SLC14A2: variants seen among roughly 807,000 people sequenced by gnomAD.
The protein encoded by SLC14A2 is urea transporter 2.
A neutral mutation model predicts 104.6 loss-of-function variants in SLC14A2; 91 were observed. That is an observed-to-expected ratio of 0.87 (90% CI 0.73 to 1.04). SLC14A2 has a LOEUF of 1.04. Ranked by LOEUF, SLC14A2 falls within the 50% of genes least tolerant of loss-of-function variation. The pLI is 0.00. For synonymous variants in SLC14A2, 476 were observed against 466.4 expected (o/e 1.02, Z -0.27); for missense variants, 1,189 against 1,156.0 (o/e 1.03, Z -0.41).
intron 1 of SLC14A2, among the ~76,000 whole-genome samples, chr18:45,413,951 G>GT (rs1446716346): frequency 6.6e-6 from 1 of 151,072 alleles, no homozygotes; most frequent in Non-Finnish European, 1.5e-5. Context: ...CTAATAGAGC[G>GT]TAAAAAAAAA....
intron 2 of SLC14A2, among the ~76,000 whole-genome samples, chr18:45,554,963 C>A (rs1047595270): frequency 2.0e-5 from 3 of 152,196 alleles, no homozygotes; most frequent in Non-Finnish European, 4.4e-5. Context: ...ACCACTCAGT[C>A]CTTTAGTCAG....
chr18:45,340,958 A>C (rs541804726), intron 1 of SLC14A2, among the ~76,000 whole-genome samples: 1 of 152,322 alleles, frequency 6.6e-6, no homozygotes, highest in African/African-American at 2.4e-5. Flanking sequence ...CCAGTCCCTT[A>C]ACAATAGAGT....
intron 1 of SLC14A2, among the ~76,000 whole-genome samples, chr18:45,275,635 T>C (rs62093664): frequency 0.076 from 11,529 of 152,310 alleles, 599 homozygotes; most frequent in Middle Eastern, 0.17. Flanking sequence ...CTTAAAATTG[T>C]GCATGCTTAT....
At chr18:45,399,161 G>A (rs908731621) in intron 1 of SLC14A2, among the ~76,000 whole-genome samples, 3 of 152,312 alleles carry the variant, frequency 2.0e-5, no homozygotes, top group Middle Eastern at 6.8e-3. Context: ...ACTAACGCAT[G>A]TTCACACAGA....
At chr18:45,178,054 G>A in the SLC14A2 span, among the ~76,000 whole-genome samples, 1 of 152,146 alleles carries the variant, frequency 6.6e-6, no homozygotes, top group East Asian at 1.9e-4. Context: ...ACCCAGGAAG[G>A]TAGAGAGAAG....
intron 1 of SLC14A2, among the ~76,000 whole-genome samples, chr18:45,425,673 T>C (rs999765848): frequency 2.0e-5 from 3 of 152,152 alleles, no homozygotes; most frequent in African/African-American, 7.2e-5. Context: ...CTGAAAGTAT[T>C]TTAAATATCT....
chr18:45,600,226 C>T (rs959756674), intron 2 of SLC14A2, among the ~76,000 whole-genome samples: 2 of 152,172 alleles, frequency 1.3e-5, no homozygotes, highest in Non-Finnish European at 2.9e-5. Context: ...CTCTCCCTCC[C>T]TCTCATGGTG....
chr18:45,496,853 ACTT>A (rs558067898), intron 2 of SLC14A2, among the ~76,000 whole-genome samples: 137 of 152,026 alleles, frequency 9.0e-4, no homozygotes, highest in African/African-American at 3.1e-3. Flanking sequence ...CATGCTGGAG[ACTT>A]CTTCCTGCTC....
chr18:45,187,242 G>T, the SLC14A2 span, among the ~76,000 whole-genome samples: 1 of 152,084 alleles, frequency 6.6e-6, no homozygotes, highest in African/African-American at 2.4e-5. Context: ...AGGAGATTTG[G>T]GTGAGTTCTG....
chr18:45,665,688 C>CTTTTTTTTTTTTTTTTTTT (rs146248418), intron 11 of SLC14A2, among the ~76,000 whole-genome samples: 3 of 79,304 alleles, frequency 3.8e-5, no homozygotes, highest in African/African-American at 1.7e-4. Context: ...AACCAAGTTT[C>CTTTTTTTTTTTTTTTTTTT]TTTTTTTTTT....
chr18:45,479,863 C>T (rs1462166175), intron 1 of SLC14A2, among the ~76,000 whole-genome samples: 13 of 152,124 alleles, frequency 8.5e-5, no homozygotes, highest in Non-Finnish European at 1.8e-4. Context: ...GGACTCTGTC[C>T]GGATGTGGCC....
intron 1 of SLC14A2, among the ~76,000 whole-genome samples, chr18:45,279,670 G>T (rs79258392): frequency 0.052 from 7,965 of 152,124 alleles, 274 homozygotes; most frequent in East Asian, 0.19. Context: ...TACCAAGCAG[G>T]TGATGACTTT....
chr18:45,672,009 C>G (rs1270424368), intron 16 of SLC14A2, among the ~76,000 whole-genome samples: 1 of 152,158 alleles, frequency 6.6e-6, no homozygotes, highest in African/African-American at 2.4e-5. Flanking sequence ...CCACCAGCCC[C>G]AGAGATAGAT....
intron 2 of SLC14A2, among the ~76,000 whole-genome samples, chr18:45,490,562 TAAG>T (rs1324886968): frequency 3.9e-5 from 6 of 152,316 alleles, no homozygotes; most frequent in Non-Finnish European, 8.8e-5. Flanking sequence ...GAAAAAATTT[TAAG>T]AACACAAAAG....
intron 2 of SLC14A2, among the ~76,000 whole-genome samples, chr18:45,531,417 T>C (rs1326729578): frequency 2.0e-5 from 3 of 152,208 alleles, no homozygotes; most frequent in Non-Finnish European, 2.9e-5. Context: ...TGGTGTCTCA[T>C]TGTGGTTTTG....
chr18:45,553,612 A>T (rs1306408055), intron 2 of SLC14A2, among the ~76,000 whole-genome samples: 1 of 152,186 alleles, frequency 6.6e-6, no homozygotes, highest in African/African-American at 2.4e-5. Context: ...TTACTAAGAA[A>T]AAAAGGGGAG....
At chr18:45,296,862 T>G (rs2084922688) in intron 1 of SLC14A2, among the ~76,000 whole-genome samples, 1 of 152,152 alleles carries the variant, frequency 6.6e-6, no homozygotes. Context: ...CTGAGATATT[T>G]TTCTCCTTTT....
intron 1 of SLC14A2, among the ~76,000 whole-genome samples, chr18:45,430,887 G>GCTTAGC (rs2086503636): frequency 6.6e-6 from 1 of 152,184 alleles, no homozygotes; most frequent in Non-Finnish European, 1.5e-5. Context: ...TGGAGCTGAT[G>GCTTAGC]ACTGGAATGG....
rs867774832 is a variant in SLC14A2 at position 45,326,318 on chromosome 18, C to T, written c.-125+113127C>T. On this transcript the variant is annotated intron_variant, in intron 1 of 20. Coordinates refer to the SLC14A2 transcript ENST00000586448. ...AGTCCCAAAATTTGGCTAGGATCCT[C>T]ATAAATGATTCCCTTTTTCTCTTGG... Among the ~76,000 whole-genome samples the T allele has an allele frequency of 1.2e-4, 19 of 152,278 alleles. 1 individual carries two copies. In the Middle Eastern group the frequency reaches 0.027, roughly 218 times the overall value.
Sources: gnomAD v4.1 joint callset for allele counts (sites outside exome capture counted in the v4.1 genomes callset) on GRCh38, gnomAD v4.1.1 for gene constraint, MANE v1.5 for transcripts, NCBI Gene and HGNC (gene_info 2026-07-23, HGNC 2026-07-21) for gene names.